RBFOX1: variants seen among roughly 807,000 people sequenced by gnomAD.
The protein encoded by RBFOX1 is RNA binding protein fox-1 homolog 1.
A neutral mutation model predicts 57.7 loss-of-function variants in RBFOX1; 8 were observed. The ratio of observed to expected loss-of-function variants is 0.14; its 90% CI spans 0.08 to 0.25. The LOEUF is 0.25. RBFOX1 is among the 10% of genes least tolerant of loss of function. The pLI is 1.00. For missense variants in RBFOX1, 611 were observed against 548.5 expected, an observed-to-expected ratio of 1.11 and a Z score of -1.14; for synonymous variants, 326 against 222.4, an observed-to-expected ratio of 1.47 and a Z score of -4.15.
intron 2 of RBFOX1, among the ~76,000 whole-genome samples, chr16:5,479,641 C>A (rs546646317): frequency 1.3e-5 from 2 of 152,062 alleles, no homozygotes; most frequent in Non-Finnish European, 2.9e-5. Context: ...CGCCTGTCAT[C>A]GCAGCTACTT....
chr16:5,274,939 A>T (rs1401779656), intron 1 of RBFOX1, among the ~76,000 whole-genome samples: 1 of 152,196 alleles, frequency 6.6e-6, no homozygotes, highest in African/African-American at 2.4e-5. Context: ...CAACTTGAAC[A>T]GTGGGGGCTT....
At chr16:7,589,912 G>GGTGTGTGTGT (rs3029164) in intron 7 of RBFOX1, among the ~76,000 whole-genome samples, 23,376 of 134,814 alleles carry the variant, frequency 0.17, 2,659 homozygotes, top group Middle Eastern at 0.25. Context: ...GTGTGTGCTG[G>GGTGTGTGTGT]GTGTGTGTGT....
intron 3 of RBFOX1, among the ~76,000 whole-genome samples, chr16:5,733,323 A>G (rs367984419): frequency 2.0e-5 from 3 of 152,006 alleles, no homozygotes; most frequent in African/African-American, 4.8e-5. Flanking sequence ...CTGTGGGTGG[A>G]CTCATCCCTC....
intron 3 of RBFOX1, among the ~76,000 whole-genome samples, chr16:5,812,776 A>C (rs966510330): frequency 6.6e-6 from 1 of 152,088 alleles, no homozygotes. Context: ...AGTCTTCTAA[A>C]TGTTAGACAT....
Position 5,290,121 on chromosome 16 carries a change from C to G in RBFOX1, c.219+50016C>G, listed in dbSNP as rs2063497245. On this transcript the variant is annotated intron_variant, in intron 1 of 2. Transcript: ENST00000585867. ...TATGCTAAGTGGAAGAAACCAGTCA[C>G]AAAAGGTCACATAAGATTTCATTTA... Among the ~76,000 whole-genome samples, 2 of 152,190 alleles carry G rather than the reference C, an allele frequency of 1.3e-5. 1 individual carries two copies. Among genetic ancestry groups the G allele is most frequent in the Admixed American group, 1.3e-4 (2 of 15,276 alleles).
intron 2 of RBFOX1, among the ~76,000 whole-genome samples, chr16:6,567,603 C>G (rs1022276223): frequency 6.6e-6 from 1 of 152,126 alleles, no homozygotes; most frequent in Non-Finnish European, 1.5e-5. Flanking sequence ...CACTTGAGAA[C>G]AAAGGAAAGG....
intron 2 of RBFOX1, among the ~76,000 whole-genome samples, chr16:6,389,696 AC>A (rs1423716902): frequency 6.6e-6 from 1 of 152,182 alleles, no homozygotes; most frequent in African/African-American, 2.4e-5. Context: ...CTAATCAATG[AC>A]GAACCTCGTG....
At chr16:7,330,525 TA>T (rs1218917782) in intron 4 of RBFOX1, among the ~76,000 whole-genome samples, 3 of 132,902 alleles carry the variant, frequency 2.3e-5, no homozygotes, top group African/African-American at 8.8e-5. Flanking sequence ...TGTGTGTGTG[TA>T]GAGAGAGAGA....
intron 4 of RBFOX1, among the ~76,000 whole-genome samples, chr16:7,091,503 T>G (rs2060848097): frequency 2.0e-5 from 3 of 151,918 alleles, no homozygotes; most frequent in Admixed American, 2.0e-4. Context: ...GCATCTCTCC[T>G]TTTACCAATG....
chr16:7,701,225 T>A (rs1415473971), intron 14 of RBFOX1, among the ~76,000 whole-genome samples: 3 of 152,148 alleles, frequency 2.0e-5, no homozygotes, highest in Non-Finnish European at 4.4e-5. Flanking sequence ...TCTAGTTTTA[T>A]CATTTTTGGA....
chr16:6,535,183 CAAAGTCTCATGTCCTGGGA>C (rs757913395), intron 2 of RBFOX1, among the ~76,000 whole-genome samples: 1 of 152,136 alleles, frequency 6.6e-6, no homozygotes, highest in Non-Finnish European at 1.5e-5. Flanking sequence ...TGTGAGCACT[CAAAGTCTCATGTCCTGGGA>C]AAATCCTCTG....
At chr16:7,250,657 C>A (rs1461149247) in intron 4 of RBFOX1, among the ~76,000 whole-genome samples, 1 of 152,162 alleles carries the variant, frequency 6.6e-6, no homozygotes, top group African/African-American at 2.4e-5. Context: ...TGCATTTTAC[C>A]ATTAGACTCT....
At chr16:7,413,025 G>A (rs1023784056) in intron 4 of RBFOX1, among the ~76,000 whole-genome samples, 1 of 151,966 alleles carries the variant, frequency 6.6e-6, no homozygotes, top group Non-Finnish European at 1.5e-5. Context: ...CCGGGCGAAA[G>A]AGCGAGACTC....
chr16:7,670,910 C>T (rs982653675), intron 13 of RBFOX1, among the ~76,000 whole-genome samples: 4 of 152,116 alleles, frequency 2.6e-5, no homozygotes, highest in Non-Finnish European at 5.9e-5. Context: ...CCTTCCTTGC[C>T]AGTGCTAGAT....
At chr16:6,986,397 C>G (rs1357746751) in intron 3 of RBFOX1, among the ~76,000 whole-genome samples, 1 of 151,894 alleles carries the variant, frequency 6.6e-6, no homozygotes, top group Non-Finnish European at 1.5e-5. Flanking sequence ...CGGGGTTTCA[C>G]CATGTTGGCC....
intron 4 of RBFOX1, among the ~76,000 whole-genome samples, chr16:5,911,327 G>A (rs1251906760): frequency 1.3e-5 from 2 of 152,176 alleles, no homozygotes; most frequent in African/African-American, 2.4e-5. Flanking sequence ...CTGGATACTT[G>A]TGGAAGATCC....
chr16:7,658,682 C>T (rs2066932466), intron 12 of RBFOX1, among the ~76,000 whole-genome samples: 2 of 152,124 alleles, frequency 1.3e-5, no homozygotes, highest in South Asian at 2.1e-4. Flanking sequence ...TATTAGGTAC[C>T]GTGCATATTT....
intron 4 of RBFOX1, among the ~76,000 whole-genome samples, chr16:5,920,890 C>T (rs62013900): frequency 7.4e-4 from 85 of 115,394 alleles, no homozygotes; most frequent in Non-Finnish European, 1.3e-3. Context: ...ACTTCCTGCC[C>T]AATGGAGTTG....
At chr16:7,257,819 A>G (rs1369764206) in intron 4 of RBFOX1, among the ~76,000 whole-genome samples, 1 of 152,220 alleles carries the variant, frequency 6.6e-6, no homozygotes, top group Non-Finnish European at 1.5e-5. Context: ...GATAGCAAGC[A>G]TTTAGCTAAG....
Sources: gnomAD v4.1 joint callset for allele counts (sites outside exome capture counted in the v4.1 genomes callset) on GRCh38, gnomAD v4.1.1 for gene constraint, MANE v1.5 for transcripts, NCBI Gene and HGNC (gene_info 2026-07-23, HGNC 2026-07-21) for gene names.